Variants in CDK5RAP1 observed in about 807,000 individuals in gnomAD.
CDK5RAP1 encodes CDK5RAP1 mitochondrial tRNA methylthiotransferase, also known as mitochondrial tRNA methylthiotransferase CDK5RAP1.
CDK5RAP1 carries 62 observed loss-of-function variants against 64.5 expected under a neutral mutation model. The ratio of observed to expected loss-of-function variants is 0.96; its 90% CI spans 0.78 to 1.19. The LOEUF is 1.19. CDK5RAP1 is among the 50% of genes most tolerant of loss of function. The probability of loss-of-function intolerance (pLI) is 0.00; values close to 1 mark genes in which losing one functional copy is unlikely to be tolerated. For missense variants in CDK5RAP1, 657 were observed against 735.0 expected, an observed-to-expected ratio of 0.89 and a Z score of 1.23; for synonymous variants, 250 against 261.9, an observed-to-expected ratio of 0.95 and a Z score of 0.44.
At chr20:33,372,500 G>A (rs1375048169) in intron 10 of CDK5RAP1, 142 bp downstream of exon 10, 2 of 493,982 alleles carry the variant, frequency 4.0e-6, no homozygotes, top group African/African-American at 4.0e-5. Context: ...AAGAATACGA[G>A]GAGAGAGAAA....
chr20:33,395,022 G>GTAC lies in CDK5RAP1; in HGVS notation c.398_399insGTA (p.Asn133delinsLysTyr). On this transcript the variant is annotated protein_altering_variant, in exon 3 of 14. Transcript: ENST00000346416. ...TAGGAAATGCATGTACCTCTTGGAGGTTACTGGTCCGCAGGTAGCCACTCT... is the reference window on the plus strand; with the variant it reads ...TAGGAAATGCATGTACCTCTTGGAGGTACTTACTGGTCCGCAGGTAGCCACTCT... 6.3e-7 allele frequency: 1 copy of GTAC among 1,588,914 alleles called. No individual in the cohort carries two copies. The highest frequency in any genetic ancestry group is 1.7e-5 in the Admixed American group (1 of 59,988).
chr20:33,387,302 A>G, intron 6 of CDK5RAP1, 21 bp downstream of exon 6: 2 of 1,584,184 alleles, frequency 1.3e-6, no homozygotes, highest in Admixed American at 1.7e-5. Flanking sequence ...CTTATTCCCT[A>G]TCTCTTAGGC....
At chr20:33,379,818 G>A in intron 7 of CDK5RAP1, 127 bp from the exon 8 acceptor site, 1 of 672,954 alleles carries the variant, frequency 1.5e-6, no homozygotes, top group Non-Finnish European at 2.5e-6. Flanking sequence ...AACCTACCAA[G>A]AGTCACCTAT....
intron 1 of CDK5RAP1, among the ~76,000 whole-genome samples, chr20:33,399,728 A>C (rs193010119): frequency 1.3e-5 from 2 of 152,304 alleles, no homozygotes; most frequent in African/African-American, 4.8e-5. Flanking sequence ...GATTCTTACA[A>C]GGAGCATGCA....
At chr20:33,391,831 A>G (rs989956437) in intron 5 of CDK5RAP1, among the ~76,000 whole-genome samples, 2 of 152,102 alleles carry the variant, frequency 1.3e-5, no homozygotes, top group African/African-American at 4.8e-5. Flanking sequence ...AAAGAAAAAA[A>G]AAAAAGAAAT....
intron 13 of CDK5RAP1, 76 bp downstream of exon 13, chr20:33,360,275 A>T: frequency 6.9e-7 from 1 of 1,451,600 alleles, no homozygotes; most frequent in Non-Finnish European, 9.4e-7. Flanking sequence ...TCTCTAGGAA[A>T]AAACTTTATT....
chr20:33,376,614 A>G (rs1025593969), intron 8 of CDK5RAP1, among the ~76,000 whole-genome samples: 3 of 152,234 alleles, frequency 2.0e-5, no homozygotes, highest in Non-Finnish European at 2.9e-5. Flanking sequence ...GCCTGCTAAC[A>G]CAATATCCAT....
intron 1 of CDK5RAP1, among the ~76,000 whole-genome samples, chr20:33,397,324 T>C (rs187158503): frequency 3.9e-5 from 6 of 152,184 alleles, no homozygotes; most frequent in Admixed American, 2.6e-4. Context: ...CAAGGGGTGG[T>C]AGAGATGAGA....
chr20:33,388,505 G>GCTCCCTCTCCCT (rs199659729), intron 5 of CDK5RAP1, among the ~76,000 whole-genome samples: 1 of 134,826 alleles, frequency 7.4e-6, no homozygotes, highest in African/African-American at 3.0e-5. Context: ...TAATTTTTCA[G>GCTCCCTCTCCCT]CTCCCTCTCC....
At chr20:33,396,603 T>A (rs1471885116) in intron 2 of CDK5RAP1, among the ~76,000 whole-genome samples, 158 bp downstream of exon 2, 1 of 150,664 alleles carries the variant, frequency 6.6e-6, no homozygotes, top group Admixed American at 6.6e-5. Flanking sequence ...ACCAGTCGAG[T>A]TTCTTGATAT....
chr20:33,389,820 AAAG>A (rs1396138039), intron 5 of CDK5RAP1, among the ~76,000 whole-genome samples: 1 of 152,244 alleles, frequency 6.6e-6, no homozygotes, highest in East Asian at 1.9e-4. Context: ...GTCTGTGTAG[AAAG>A]AAGTAGACAT....
chr20:33,372,913 C>CA, intron 9 of CDK5RAP1: 1 of 201,200 alleles, frequency 5.0e-6, no homozygotes, highest in Non-Finnish European at 9.4e-6. Flanking sequence ...AGGACATAAA[C>CA]TTTTTTTTTT....
At chr20:33,390,075 A>G (rs1263312999) in intron 5 of CDK5RAP1, among the ~76,000 whole-genome samples, 3 of 151,856 alleles carry the variant, frequency 2.0e-5, no homozygotes, top group Non-Finnish European at 4.4e-5. Flanking sequence ...CCAGGAGTTC[A>G]GGATCAGCCC....
chr20:33,379,578 G>C lies in CDK5RAP1; in HGVS notation c.990C>G (p.Asn330Lys), dbSNP rs1448527858. ...PTNLSRGFTT[N>K]YKTKQGGLRF... Reference sequence around the variant, plus strand: ...GAAGTCCTCCTTGCTTGGTTTTATAGTTGGTGGTAAAGCCACGACTGAGAT... The same window carrying C: ...GAAGTCCTCCTTGCTTGGTTTTATACTTGGTGGTAAAGCCACGACTGAGAT... The change falls in exon 8 of 14, where the codon AAC becomes AAG. Residue 330 changes from asparagine to lysine, a missense_variant. Transcript: ENST00000346416. 6.2e-7 allele frequency: 1 copy of C among 1,614,062 alleles called. No homozygotes were observed. The highest frequency in any genetic ancestry group is 1.3e-5 in the African/African-American group (1 of 75,036).
chr20:33,364,653 T>C (rs1983559877), intron 12 of CDK5RAP1, among the ~76,000 whole-genome samples: 2 of 150,620 alleles, frequency 1.3e-5, no homozygotes, highest in Non-Finnish European at 3.0e-5. Flanking sequence ...CGGCTCACCA[T>C]AACCTCCGCC....
intron 1 of CDK5RAP1, among the ~76,000 whole-genome samples, chr20:33,398,242 C>T (rs1201147660): frequency 6.6e-6 from 1 of 152,224 alleles, no homozygotes; most frequent in Non-Finnish European, 1.5e-5. Flanking sequence ...CCTGTAATCC[C>T]AGCACTTTGG....
rs774773694 is a variant in CDK5RAP1, at chr20:33,396,798, A to G, written c.267T>C (p.Tyr89=). The change falls in exon 2 of 14, where the codon TAT becomes TAC. Residue 89 remains tyrosine, a synonymous_variant. Transcript: ENST00000346416. Reference sequence around the variant, plus strand: ...TTCCAAGAAGTTCATCCATCATGAGATAGGGAGGTGGGTCTTCCACTTCTG... The same window carrying G: ...TTCCAAGAAGTTCATCCATCATGAGGTAGGGAGGTGGGTCTTCCACTTCTG... ...LSSEVEDPPP[Y]LMMDELLGRQ... is the part of the protein sequence containing the mutation. The G allele has an allele frequency of 2.6e-5, 42 of 1,613,930 alleles. No individual in the cohort carries two copies. In the Admixed American group the frequency reaches 6.7e-4, roughly 26 times the overall value.
intron 8 of CDK5RAP1, among the ~76,000 whole-genome samples, chr20:33,375,275 A>G (rs555540612): frequency 1.3e-5 from 2 of 151,578 alleles, no homozygotes; most frequent in African/African-American, 2.4e-5. Flanking sequence ...GGTGGTGTGC[A>G]CCTGTAATCC....
intron 5 of CDK5RAP1, among the ~76,000 whole-genome samples, chr20:33,389,623 G>A (rs1988050569): frequency 6.6e-6 from 1 of 151,862 alleles, no homozygotes; most frequent in Non-Finnish European, 1.5e-5. Context: ...CCCCGTCCAG[G>A]AGGTGGGGGG....
Sources: gnomAD v4.1 joint callset for allele counts (sites outside exome capture counted in the v4.1 genomes callset) on GRCh38, gnomAD v4.1.1 for gene constraint, MANE v1.5 for transcripts, NCBI Gene and HGNC (gene_info 2026-07-23, HGNC 2026-07-21) for gene names.